CACNA1H: variants seen among roughly 807,000 people sequenced by gnomAD.
The protein encoded by CACNA1H is calcium voltage-gated channel subunit alpha1 H.
Under a neutral mutation model 192.5 loss-of-function variants are expected in CACNA1H, and 149 were observed. That is an observed-to-expected ratio of 0.77 (90% CI 0.68 to 0.89). The LOEUF is 0.89. Among genes scored for constraint, CACNA1H ranks in the 40% least tolerant of loss-of-function variants. CACNA1H has a pLI of 0.00. For synonymous variants in CACNA1H, 2,202 were observed against 1,475.2 expected (o/e 1.49, Z -11.29); for missense variants, 4,257 against 3,423.5 (o/e 1.24, Z -6.08).
chr16:1,220,339 A>G lies in CACNA1H; in HGVS notation c.6407A>G (p.Tyr2136Cys). The change falls in exon 35 of 35, where the codon TAC (tyrosine) becomes TGC (cysteine). Residue 2136 changes from tyrosine to cysteine, a missense_variant. Tyr to Cys is a radical substitution (Grantham distance 194). Coordinates refer to ENST00000348261, the MANE Select transcript of CACNA1H (RefSeq NM_021098.3). ...AGGERDLRRL[Y>C]SVDAQGFLDK... ...GGCGAGCGGGACCTGCGCAGGCTCT[A>G]CAGCGTGGATGCTCAGGGCTTCCTG... 3 of 1,546,634 alleles carry G rather than the reference A, an allele frequency of 1.9e-6. No homozygotes were observed. The highest frequency in any genetic ancestry group is 2.6e-6 in the Non-Finnish European group (3 of 1,154,128).
intron 11 of CACNA1H, among the ~76,000 whole-genome samples, chr16:1,205,470 C>T (rs1443790021): frequency 6.6e-6 from 1 of 152,192 alleles, no homozygotes; most frequent in African/African-American, 2.4e-5. Context: ...GCTATGCTTC[C>T]CTGCAGGCAC....
intron 2 of CACNA1H, among the ~76,000 whole-genome samples, chr16:1,181,985 C>T (rs571606830): frequency 6.6e-6 from 1 of 152,230 alleles, no homozygotes; most frequent in Admixed American, 6.5e-5. Context: ...CGCATGCACA[C>T]AGGCTCACTC....
chr16:1,161,370 C>T (rs1377424510), intron 2 of CACNA1H, among the ~76,000 whole-genome samples: 2 of 152,232 alleles, frequency 1.3e-5, no homozygotes, highest in East Asian at 1.9e-4. Context: ...TTCTCCCCTC[C>T]CCAGCTGTCT....
Position 1,215,544 on chromosome 16 carries a change from C to G in CACNA1H, c.5195C>G (p.Ala1732Gly). ...CTAGTGCTGAAGCTGCTGAAGATGG[C>G]TACGGGCATGCGCGCCCTGCTGGAC... ...IARVLKLLKM[A>G]TGMRALLDTV... Residue 1732 changes from alanine to glycine, a missense_variant, in exon 30 of 35, where the codon GCT becomes GGT. Ala to Gly is a moderately conservative substitution (Grantham distance 60). Coordinates refer to ENST00000348261, the MANE Select transcript of CACNA1H (RefSeq NM_021098.3). 2 of 1,611,894 alleles carry G rather than the reference C, an allele frequency of 1.2e-6. No individual in the cohort carries two copies. Among genetic ancestry groups the G allele is most frequent in the Non-Finnish European group, 1.7e-6 (2 of 1,179,564 alleles).
intron 5 of CACNA1H, 84 bp from the exon 6 acceptor site, chr16:1,198,531 G>T (rs1967273697): frequency 2.7e-6 from 4 of 1,485,426 alleles, no homozygotes; most frequent in Non-Finnish European, 3.7e-6. Context: ...AGTGGACGGG[G>T]CTCGGGGGTC....
intron 2 of CACNA1H, among the ~76,000 whole-genome samples, chr16:1,161,322 C>T (rs895500080): frequency 1.3e-5 from 2 of 152,172 alleles, no homozygotes; most frequent in Admixed American, 6.5e-5. Flanking sequence ...CAAGCCCTCG[C>T]CTCTGTTGAC....
intron 2 of CACNA1H, among the ~76,000 whole-genome samples, chr16:1,164,904 G>C (rs567500876): frequency 6.6e-6 from 1 of 152,190 alleles, no homozygotes; most frequent in Non-Finnish European, 1.5e-5. Flanking sequence ...GGGTCGAGTC[G>C]CCCCTTTTGC....
intron 21 of CACNA1H, 32 bp downstream of exon 21, chr16:1,211,003 C>G (rs374840818): frequency 4.4e-6 from 7 of 1,583,388 alleles, no homozygotes; most frequent in African/African-American, 4.0e-5. Flanking sequence ...CCCGGGGCAA[C>G]CTGGAAGCAC....
chr16:1,166,209 G>A (rs1277176753), intron 2 of CACNA1H, among the ~76,000 whole-genome samples: 1 of 152,226 alleles, frequency 6.6e-6, no homozygotes, highest in African/African-American at 2.4e-5. Context: ...CTGGGGGCAG[G>A]CAGAGTGTCC....
intron 22 of CACNA1H, 91 bp from the exon 23 acceptor site, chr16:1,211,390 G>A (rs1262588794): frequency 5.8e-5 from 93 of 1,606,086 alleles, no homozygotes; most frequent in Non-Finnish European, 7.7e-5. Flanking sequence ...GGACGGGGAG[G>A]GACAGCTCGG....
rs759211097 is a variant in CACNA1H at position 1,221,740 on chromosome 16, G to T, written c.*746G>T. The T allele has an allele frequency of 2.1e-5, 31 of 1,511,530 alleles. No homozygotes were observed. Among genetic ancestry groups the T allele is most frequent in the Non-Finnish European group, 2.8e-5 (31 of 1,119,716 alleles). 93.6% of individuals were successfully genotyped at this position (1,511,530 alleles called of 1,614,324 possible). ...TCTCAAGGGAGAGGGAGGGGGCGGA[G>T]CGGAATAAATAGTAACTTATTTAAG... is the stretch of plus-strand genomic sequence containing the variant. On this transcript the variant is annotated 3_prime_UTR_variant, in exon 35 of 35. Coordinates refer to ENST00000348261, the MANE Select transcript of CACNA1H (RefSeq NM_021098.3).
Position 1,201,678 on chromosome 16 carries a change from A to T in CACNA1H, c.1228A>T (p.Met410Leu). Residue 410 changes from methionine (M) to leucine (L), a missense_variant, in exon 9 of 35, where the codon ATG becomes TTG. Physicochemically the swap from Met to Leu is conservative, Grantham distance 15 (BLOSUM62 2). Coordinates refer to ENST00000348261, the MANE Select transcript of CACNA1H (RefSeq NM_021098.3). ...ILLIIVGSFF[M>L]INLCLVVIAT... ...CCCGTCACAGGTGGGCTCCTTCTTCATGATCAACCTGTGCCTGGTGGTGAT... is the reference window on the plus strand; with the variant it reads ...CCCGTCACAGGTGGGCTCCTTCTTCTTGATCAACCTGTGCCTGGTGGTGAT... 6.3e-7 allele frequency: 1 copy of T among 1,599,998 alleles called. No individual in the cohort carries two copies. The highest frequency in any genetic ancestry group is 8.5e-7 in the Non-Finnish European group (1 of 1,171,350).
intron 5 of CACNA1H, among the ~76,000 whole-genome samples, chr16:1,198,373 C>T (rs1029267278): frequency 4.6e-5 from 7 of 152,162 alleles, no homozygotes; most frequent in Non-Finnish European, 1.0e-4. Context: ...CCTGGCGCCC[C>T]GCTGGATGCA....
At chr16:1,217,080 C>T in intron 31 of CACNA1H, 70 bp downstream of exon 31, 1 of 1,287,226 alleles carries the variant, frequency 7.8e-7, no homozygotes, top group Non-Finnish European at 1.1e-6. Context: ...CCCATCCACT[C>T]ACACGCAGGC....
At chr16:1,169,065 A>G (rs77787021) in intron 2 of CACNA1H, among the ~76,000 whole-genome samples, 13,240 of 150,896 alleles carry the variant, frequency 0.088, 1,708 homozygotes, top group African/African-American at 0.29. Context: ...CCTTGGCAAC[A>G]GGAGATGGAG....
chr16:1,164,736 G>A (rs889704338), intron 2 of CACNA1H, among the ~76,000 whole-genome samples: 3 of 152,208 alleles, frequency 2.0e-5, no homozygotes, highest in African/African-American at 7.2e-5. Context: ...CCGCAGAGGG[G>A]CCTCCTGGGG....
chr16:1,166,039 A>G (rs1316992801), intron 2 of CACNA1H, among the ~76,000 whole-genome samples: 1 of 152,220 alleles, frequency 6.6e-6, no homozygotes, highest in Non-Finnish European at 1.5e-5. Flanking sequence ...GTAGGGGGAC[A>G]CATTCCCATT....
chr16:1,217,099 G>C (rs1970090177), intron 31 of CACNA1H, 89 bp downstream of exon 31: 6 of 1,173,650 alleles, frequency 5.1e-6, no homozygotes, highest in Non-Finnish European at 7.4e-6. Flanking sequence ...GCACATGCTT[G>C]CAAATAGCGT....
At chr16:1,207,571 G>C (rs1052385652) in intron 14 of CACNA1H, 141 bp downstream of exon 14, 183 of 1,084,986 alleles carry the variant, frequency 1.7e-4, no homozygotes, top group South Asian at 2.1e-4. Context: ...GAGAGGGGAG[G>C]CCAGGAGCCC....
Sources: gnomAD v4.1 joint callset for allele counts (sites outside exome capture counted in the v4.1 genomes callset) on GRCh38, gnomAD v4.1.1 for gene constraint, MANE v1.5 for transcripts, NCBI Gene and HGNC (gene_info 2026-07-23, HGNC 2026-07-21) for gene names.